Variants in CDK14 observed in about 807,000 individuals in gnomAD.
CDK14 encodes the protein cyclin dependent kinase 14.
Under a neutral mutation model 60.7 loss-of-function variants are expected in CDK14, and 34 were observed. That is an observed-to-expected ratio of 0.56 (90% confidence interval 0.43 to 0.75). The LOEUF is 0.75. CDK14 is among the 30% of genes least tolerant of loss of function. CDK14 has a pLI of 0.00. For missense variants in CDK14, 482 were observed against 564.1 expected, an observed-to-expected ratio of 0.85 and a Z score of 1.47; for synonymous variants, 197 against 203.7, an observed-to-expected ratio of 0.97 and a Z score of 0.28.
intron 2 of CDK14, among the ~76,000 whole-genome samples, chr7:90,637,774 C>T (rs568939928): frequency 1.1e-5 from 1 of 94,632 alleles, no homozygotes; most frequent in Non-Finnish European, 2.1e-5. Flanking sequence ...GAGTCTAAGT[C>T]TCTTTGTAGG....
Position 90,664,455 on chromosome 7 carries a change from T to C in CDK14, c.123+60206T>C, listed in dbSNP as rs574166629. ...CATTACTGGGTATATACCCAAAGGA[T>C]TATAAATCATGCTGCCATAAAGACA... On this transcript the variant is annotated intron_variant, in intron 2 of 14. Coordinates refer to ENST00000380050, the MANE Select transcript of CDK14 (RefSeq NM_001287135.2). Among the ~76,000 whole-genome samples the C allele has an allele frequency of 2.6e-5, 4 of 152,286 alleles. No individual in the cohort carries two copies. In the South Asian group the frequency reaches 8.3e-4, roughly 32 times the overall value.
intron 4 of CDK14, among the ~76,000 whole-genome samples, chr7:90,788,888 T>C (rs1805710078): frequency 6.6e-6 from 1 of 152,084 alleles, no homozygotes; most frequent in African/African-American, 2.4e-5. Context: ...ACCTATTAAA[T>C]TGGCAAAATC....
intron 9 of CDK14, among the ~76,000 whole-genome samples, chr7:90,976,011 T>C (rs1240034493): frequency 6.6e-6 from 1 of 152,164 alleles, no homozygotes; most frequent in East Asian, 1.9e-4. Context: ...GGGGTGCAAA[T>C]GTCTCTTCAA....
intron 2 of CDK14, among the ~76,000 whole-genome samples, chr7:90,682,785 A>G (rs1264853014): frequency 6.6e-6 from 1 of 152,144 alleles, no homozygotes; most frequent in East Asian, 1.9e-4. Context: ...CTTCTTCTAT[A>G]TTTATGAATT....
At chr7:91,203,629 A>T (rs1802794513) in intron 14 of CDK14, among the ~76,000 whole-genome samples, 1 of 152,220 alleles carries the variant, frequency 6.6e-6, no homozygotes, top group Non-Finnish European at 1.5e-5. Flanking sequence ...TGCCTGGGCA[A>T]GCAGATATCA....
At chr7:91,113,278 G>A (rs1799522233) in intron 13 of CDK14, among the ~76,000 whole-genome samples, 1 of 152,208 alleles carries the variant, frequency 6.6e-6, no homozygotes, top group South Asian at 2.1e-4. Flanking sequence ...CTGAAGACAT[G>A]TAATTCATTT....
At position 90,621,663 on chromosome 7, in the gene CDK14, T is replaced by TCCTGCCTTCCTGCCTTCCTGCCTTCCTG. The variant is rs1291538401; in HGVS notation, c.123+17417_123+17418insGCCTTCCTGCCTTCCTGCCTTCCTGCCT. ...TTCCTTCCTTCCTTCCTTCCTTCCT[T>TCCTGCCTTCCTGCCTTCCTGCCTTCCTG]CCTTCCTGCCTTCCTGCCTTCCTGC... On this transcript the variant is annotated intron_variant, in intron 2 of 14. Transcript: ENST00000380050. Among the ~76,000 whole-genome samples, 227 of 112,544 alleles carry TCCTGCCTTCCTGCCTTCCTGCCTTCCTG rather than the reference T, an allele frequency of 2.0e-3. 1 individual carries two copies. Among genetic ancestry groups the TCCTGCCTTCCTGCCTTCCTGCCTTCCTG allele is most frequent in the African/African-American group, 4.3e-3 (119 of 27,394 alleles). The allele number at this position is 112,544 out of a possible 152,430, so 73.8% of individuals were successfully genotyped here. A position where few individuals can be genotyped will look rare whatever the true frequency, so the allele number is the denominator to read the frequency against.
At chr7:90,878,222 C>T (rs1433487210) in intron 6 of CDK14, among the ~76,000 whole-genome samples, 2 of 152,052 alleles carry the variant, frequency 1.3e-5, no homozygotes, top group Non-Finnish European at 2.9e-5. Context: ...GAAAGGAGGA[C>T]TTACTACAGG....
intron 14 of CDK14, among the ~76,000 whole-genome samples, chr7:91,119,141 G>A (rs1056830316): frequency 1.3e-5 from 2 of 152,216 alleles, no homozygotes; most frequent in African/African-American, 2.4e-5. Context: ...GGCTTTTTAT[G>A]TGCTGATTTG....
chr7:90,872,685 A>G (rs892226085), intron 6 of CDK14, among the ~76,000 whole-genome samples: 2 of 116,478 alleles, frequency 1.7e-5, no homozygotes, highest in Non-Finnish European at 3.6e-5. Context: ...CATATCTATC[A>G]TCTCTATATT....
chr7:90,992,798 GA>G (rs1480094503), intron 10 of CDK14, among the ~76,000 whole-genome samples: 1 of 152,136 alleles, frequency 6.6e-6, no homozygotes, highest in Non-Finnish European at 1.5e-5. Context: ...TCCTTTATAT[GA>G]AGCATTTTCT....
At chr7:90,826,731 G>A (rs1317468257) in intron 5 of CDK14, among the ~76,000 whole-genome samples, 2 of 152,010 alleles carry the variant, frequency 1.3e-5, no homozygotes, top group African/African-American at 2.4e-5. Context: ...TTTTAGAACT[G>A]TTTTAGGTTT....
At position 91,210,356 on chromosome 7, in the gene CDK14, T is replaced by G. The variant is rs967101956; in HGVS notation, c.*3220T>G. On this transcript the variant is annotated 3_prime_UTR_variant, in exon 15 of 15. Transcript: ENST00000380050. ...TTATCTTTTATTTTTTTTTGTATGA[T>G]GCACTGAGATGTGTACTTTCTAACA... 1 of 152,060 alleles carries G rather than the reference T, an allele frequency of 6.6e-6. No individual in the cohort carries two copies. Among genetic ancestry groups the G allele is most frequent in the African/African-American group, 2.4e-5 (1 of 41,214 alleles). The allele number at this position is 152,060 out of a possible 1,614,324, so 9.4% of individuals were successfully genotyped here.
At chr7:90,627,359 G>T (rs1314177380) in intron 2 of CDK14, among the ~76,000 whole-genome samples, 1 of 151,992 alleles carries the variant, frequency 6.6e-6, no homozygotes, top group Non-Finnish European at 1.5e-5. Flanking sequence ...ACAGGCGCAT[G>T]CCACCACACC....
At chr7:90,780,417 TTTTTA>T (rs964799662) in intron 4 of CDK14, among the ~76,000 whole-genome samples, 4 of 151,482 alleles carry the variant, frequency 2.6e-5, no homozygotes, top group East Asian at 1.9e-4. Context: ...TTTATTTTTA[TTTTTA>T]TTTTATTTTA....
intron 2 of CDK14, among the ~76,000 whole-genome samples, chr7:90,720,897 G>A (rs1018940527): frequency 1.3e-5 from 2 of 151,978 alleles, no homozygotes; most frequent in Non-Finnish European, 2.9e-5. Context: ...TTGGGGTCCT[G>A]GATGCTTTTT....
At chr7:91,157,661 G>A (rs191068546) in intron 14 of CDK14, among the ~76,000 whole-genome samples, 57 of 152,220 alleles carry the variant, frequency 3.7e-4, no homozygotes, top group African/African-American at 1.3e-3. Context: ...GAGAGTGACG[G>A]CAATCATACT....
intron 6 of CDK14, among the ~76,000 whole-genome samples, chr7:90,887,480 G>C (rs1345841557): frequency 6.6e-6 from 1 of 152,100 alleles, no homozygotes; most frequent in Non-Finnish European, 1.5e-5. Context: ...TTCTCTGAAA[G>C]CATTGTTATT....
At chr7:90,690,093 T>G (rs1201866370) in intron 2 of CDK14, among the ~76,000 whole-genome samples, 1 of 152,178 alleles carries the variant, frequency 6.6e-6, no homozygotes, top group Non-Finnish European at 1.5e-5. Context: ...ACAAACTGCA[T>G]TAGAAAAATC....
Sources: gnomAD v4.1 joint callset for allele counts (sites outside exome capture counted in the v4.1 genomes callset) on GRCh38, gnomAD v4.1.1 for gene constraint, MANE v1.5 for transcripts, NCBI Gene and HGNC (gene_info 2026-07-23, HGNC 2026-07-21) for gene names.